Variants in NFYC observed in about 807,000 individuals in gnomAD.
The protein encoded by NFYC is CAAT box DNA-binding protein subunit C.
In NFYC, 25 loss-of-function variants were observed where a neutral mutation model predicts 53.1. The observed-to-expected ratio is 0.47, with a 90% CI of 0.34 to 0.66. The LOEUF (loss-of-function observed/expected upper bound fraction) is 0.66. Among genes scored for constraint, NFYC ranks in the 30% least tolerant of loss-of-function variants. NFYC has a pLI of 0.01. For missense variants in NFYC, 260 were observed against 422.7 expected (o/e 0.62, Z 3.38); for synonymous variants, 145 against 152.6 (o/e 0.95, Z 0.37).
intron 8 of NFYC, chr1:40,769,118 G>A: frequency 2.0e-6 from 1 of 491,248 alleles, no homozygotes; most frequent in East Asian, 3.8e-5. Flanking sequence ...AGAGATGGGT[G>A]TGGGAACTAT....
intron 1 of NFYC, among the ~76,000 whole-genome samples, chr1:40,702,122 C>T (rs1239845092): frequency 1.3e-5 from 2 of 152,154 alleles, no homozygotes; most frequent in Admixed American, 1.3e-4. Flanking sequence ...AATAATTTCC[C>T]ATCTATTGGT....
chr1:40,757,521 G>A lies in NFYC; in HGVS notation c.388-600G>A, dbSNP rs57892307. 3.7e-5 allele frequency: 14 copies of A among 380,982 alleles called. No individual in the cohort carries two copies. The East Asian group carries it at 6.0e-4, about 16-fold the overall frequency. The allele number at this position is 380,982 out of a possible 1,614,324, so 23.6% of individuals were successfully genotyped here. ...TGGCTAAGTACAACCAGAACCAGAT[G>A]TGACACTGGATAGACATGCCCTCAG... is the stretch of plus-strand genomic sequence containing the variant. On this transcript the variant is annotated intron_variant, in intron 5 of 9. Coordinates refer to ENST00000447388, the MANE Select transcript of NFYC (RefSeq NM_014223.5).
At chr1:40,762,234 G>A (rs548142074) in intron 6 of NFYC, among the ~76,000 whole-genome samples, 6 of 152,316 alleles carry the variant, frequency 3.9e-5, no homozygotes, top group African/African-American at 1.2e-4. Flanking sequence ...TTAGTTAAGA[G>A]TCTGTGTCTT....
intron 1 of NFYC, among the ~76,000 whole-genome samples, chr1:40,713,823 G>A (rs1157474611): frequency 1.3e-5 from 2 of 151,906 alleles, no homozygotes; most frequent in African/African-American, 4.8e-5. Flanking sequence ...TTTCTTTTTG[G>A]GACTTCTGTA....
At position 40,749,736 on chromosome 1, in the gene NFYC, G is replaced by C. The variant is rs551270286; in HGVS notation, c.291+50G>C. 5.8e-5 allele frequency: 85 copies of C among 1,463,102 alleles called. No homozygotes were observed. In the South Asian group the frequency reaches 9.7e-4, roughly 17 times the overall value. 90.6% of individuals were successfully genotyped at this position (1,463,102 alleles called of 1,614,324 possible). A position where few individuals can be genotyped will look rare whatever the true frequency, so the allele number is the denominator to read the frequency against. ...AAAACTGGGGTAAGCAGCAGCCTTT[G>C]CCTGTTTTCCTGCGTGGTGTTGGAG... is the stretch of plus-strand genomic sequence containing the variant. On this transcript the variant is annotated intron_variant, in intron 4 of 9. Transcript: ENST00000447388.
At chr1:40,712,011 T>C (rs1272656914) in intron 1 of NFYC, among the ~76,000 whole-genome samples, 1 of 152,214 alleles carries the variant, frequency 6.6e-6, no homozygotes, top group Non-Finnish European at 1.5e-5. Flanking sequence ...GTGTCTGATT[T>C]AGTGGCGAGT....
At chr1:40,693,490 G>A (rs181584402) in intron 1 of NFYC, among the ~76,000 whole-genome samples, 2 of 152,120 alleles carry the variant, frequency 1.3e-5, no homozygotes, top group African/African-American at 4.8e-5. Context: ...AAACTCCTAG[G>A]GTTTTCAAAT....
chr1:40,726,549 A>G (rs541890038), intron 1 of NFYC, among the ~76,000 whole-genome samples: 92 of 152,150 alleles, frequency 6.0e-4, no homozygotes, highest in African/African-American at 2.2e-3. Context: ...AGCTGGGACT[A>G]CAGACACGTG....
At position 40,758,168 on chromosome 1, in the gene NFYC, T is replaced by C. The variant is rs1646336187; in HGVS notation, c.435T>C (p.Tyr145=). The change falls in exon 6 of 10, where the codon TAT becomes TAC. Residue 145 remains tyrosine (Y), a synonymous_variant. Coordinates refer to ENST00000447388, the MANE Select transcript of NFYC (RefSeq NM_014223.5). ...CTCCTGCCGAGCCAGTCCAGTACTA[T>C]TTCACGCTGGCTCAGCAACCCACCG... The part of the protein sequence containing the change: ...SVTPAEPVQY[Y]FTLAQQPTAV... 11 of 1,612,318 alleles carry C rather than the reference T, an allele frequency of 6.8e-6. No homozygotes were observed. Among genetic ancestry groups the C allele is most frequent in the African/African-American group, 1.3e-5 (1 of 74,838 alleles).
intron 1 of NFYC, among the ~76,000 whole-genome samples, chr1:40,700,969 G>A (rs2148417135): frequency 6.6e-6 from 1 of 152,258 alleles, no homozygotes; most frequent in East Asian, 1.9e-4. Context: ...CTTAAACATG[G>A]GGCTGGGAAA....
Position 40,770,321 on chromosome 1 carries a change from A to G in NFYC, c.889-388A>G, listed in dbSNP as rs1400150265. 1.5e-6 allele frequency: 2 copies of G among 1,374,196 alleles called. No homozygotes were observed. Among genetic ancestry groups the G allele is most frequent in the Non-Finnish European group, 2.0e-6 (2 of 1,007,536 alleles). The allele number at this position is 1,374,196 out of a possible 1,614,324, so 85.1% of individuals were successfully genotyped here. On this transcript the variant is annotated intron_variant, in intron 9 of 9. Coordinates refer to ENST00000447388, the MANE Select transcript of NFYC (RefSeq NM_014223.5). This position sits in a 1 kb window ranked among gnomAD's most constrained non-coding sequence, Gnocchi z 5.3. ...GTAATCCTACTGCCCCTGCCAGTGTAGATTACCAAGAGTTGGGGAAATGCT... is the reference window on the plus strand; with the variant it reads ...GTAATCCTACTGCCCCTGCCAGTGTGGATTACCAAGAGTTGGGGAAATGCT...
chr1:40,715,252 C>A (rs116928247), intron 1 of NFYC, among the ~76,000 whole-genome samples: 1 of 151,454 alleles, frequency 6.6e-6, no homozygotes, highest in African/African-American at 2.4e-5. Flanking sequence ...AAAAAAACAC[C>A]GAAATTAGCC....
At chr1:40,746,990 T>G (rs1333899813) in intron 2 of NFYC, among the ~76,000 whole-genome samples, 3 of 152,146 alleles carry the variant, frequency 2.0e-5, no homozygotes, top group Admixed American at 6.6e-5. Context: ...AAAGGAGCTC[T>G]CCTCCCCAGT....
At chr1:40,754,535 C>G in intron 5 of NFYC, 1 of 431,670 alleles carries the variant, frequency 2.3e-6, no homozygotes, top group Non-Finnish European at 4.8e-6. Flanking sequence ...CTTCCCTCCT[C>G]TCTCAGAAGT....
chr1:40,698,294 G>A (rs1047773742), intron 1 of NFYC, among the ~76,000 whole-genome samples: 2 of 151,514 alleles, frequency 1.3e-5, no homozygotes, highest in Non-Finnish European at 2.9e-5. Context: ...ACCCAGAGGC[G>A]GAGGCTGCAG....
chr1:40,754,913 T>C (rs1201384897), intron 5 of NFYC, among the ~76,000 whole-genome samples: 1 of 152,192 alleles, frequency 6.6e-6, no homozygotes, highest in African/African-American at 2.4e-5. Context: ...GTTGCTTGGA[T>C]TTAGTTCTTT....
At chr1:40,709,494 G>A (rs142457074) in intron 1 of NFYC, 8 of 152,360 alleles carry the variant, frequency 5.3e-5, no homozygotes, top group African/African-American at 1.9e-4. Context: ...CCAGACTCAT[G>A]TTTCTGCATC....
chr1:40,746,690 C>G (rs1345758087), intron 2 of NFYC, among the ~76,000 whole-genome samples: 2 of 152,034 alleles, frequency 1.3e-5, no homozygotes, highest in Non-Finnish European at 2.9e-5. Flanking sequence ...TGATTTTTTT[C>G]CTAGAATTGC....
chr1:40,742,088 T>C (rs537277063), intron 2 of NFYC, among the ~76,000 whole-genome samples: 3 of 152,124 alleles, frequency 2.0e-5, no homozygotes, highest in Admixed American at 1.3e-4. Flanking sequence ...AAAAAAATCT[T>C]ATGTAGAGAT....
Sources: allele counts gnomAD v4.1 joint callset (sites outside exome capture counted in the v4.1 genomes callset), GRCh38; gene constraint gnomAD v4.1.1; non-coding constraint Gnocchi (gnomAD v3.1); transcripts MANE v1.5; gene names NCBI Gene and HGNC (gene_info 2026-07-23, HGNC 2026-07-21).